ERC1: variants seen among roughly 807,000 people sequenced by gnomAD.
ERC1 encodes the protein ELKS/RAB6-interacting/CAST family member 1.
ERC1 carries 56 observed loss-of-function variants against 132.0 expected under a neutral mutation model. That is an observed-to-expected ratio of 0.42 (90% CI 0.34 to 0.53). The LOEUF is 0.53. ERC1 is among the 20% of genes least tolerant of loss of function. The pLI, the probability that ERC1 is intolerant of heterozygous loss-of-function variation, is 0.03. For missense variants in ERC1, 1,202 were observed against 1,349.9 expected (o/e 0.89, Z 1.72); for synonymous variants, 478 against 476.1 (o/e 1.00, Z -0.05).
chr12:1,135,401 C>T (rs1015174629), intron 7 of ERC1, among the ~76,000 whole-genome samples: 3 of 152,136 alleles, frequency 2.0e-5, no homozygotes, highest in Non-Finnish European at 4.4e-5. Flanking sequence ...TATATGCATG[C>T]TGATCTATGA....
At chr12:1,073,485 C>G (rs1459023754) in intron 2 of ERC1, among the ~76,000 whole-genome samples, 2 of 151,216 alleles carry the variant, frequency 1.3e-5, no homozygotes, top group East Asian at 4.0e-4. Context: ...AACTCCATCT[C>G]TACTAAAAAT....
intron 12 of ERC1, among the ~76,000 whole-genome samples, chr12:1,195,262 G>A (rs781169325): frequency 6.6e-6 from 1 of 152,074 alleles, no homozygotes; most frequent in Middle Eastern, 3.2e-3. Context: ...CCCCTTTACA[G>A]CAAATCTCTT....
chr12:1,432,887 A>C (rs2092837562), intron 17 of ERC1, among the ~76,000 whole-genome samples: 1 of 152,204 alleles, frequency 6.6e-6, no homozygotes, highest in Non-Finnish European at 1.5e-5. Context: ...TGGGTTAAAA[A>C]ACAAAAACCA....
At chr12:1,390,169 T>C (rs185533183) in intron 16 of ERC1, among the ~76,000 whole-genome samples, 104 of 152,308 alleles carry the variant, frequency 6.8e-4, no homozygotes, top group Non-Finnish European at 1.2e-3. Context: ...CTTCTAATTA[T>C]AGTAGTAAAC....
intron 17 of ERC1, chr12:1,443,385 G>A (rs1185449748): frequency 6.6e-6 from 1 of 152,184 alleles, no homozygotes; most frequent in Non-Finnish European, 1.5e-5. Context: ...CTCTGAGGGG[G>A]TCCAAGGAGG....
At chr12:998,983 T>C (rs1275630036) in intron 1 of ERC1, among the ~76,000 whole-genome samples, 3 of 151,476 alleles carry the variant, frequency 2.0e-5, no homozygotes, top group Non-Finnish European at 2.9e-5. Context: ...CCTTAGCCTC[T>C]TGAGTAGCTG....
chr12:1,200,856 C>T (rs1275615675), intron 12 of ERC1, among the ~76,000 whole-genome samples: 3 of 152,188 alleles, frequency 2.0e-5, no homozygotes, highest in Admixed American at 6.5e-5. Context: ...CTGCACCCGG[C>T]CCACATTTCC....
chr12:1,180,891 A>G (rs796066297), intron 9 of ERC1, among the ~76,000 whole-genome samples: 35 of 151,112 alleles, frequency 2.3e-4, no homozygotes, highest in African/African-American at 8.2e-4. Flanking sequence ...TTGTCTCACT[A>G]AATTCCACCT....
At chr12:1,313,805 T>C (rs2081493075) in intron 15 of ERC1, among the ~76,000 whole-genome samples, 1 of 151,982 alleles carries the variant, frequency 6.6e-6, no homozygotes. Flanking sequence ...GCCAACATGG[T>C]GAAACCCTGT....
chr12:1,365,327 G>C (rs371169301), intron 15 of ERC1, among the ~76,000 whole-genome samples: 1 of 146,568 alleles, frequency 6.8e-6, no homozygotes, highest in Non-Finnish European at 1.5e-5. Flanking sequence ...TACTGGCCTG[G>C]AAAAAAAAAA....
At chr12:1,489,637 T>C (rs1009039406) in intron 18 of ERC1, among the ~76,000 whole-genome samples, 2 of 152,220 alleles carry the variant, frequency 1.3e-5, no homozygotes, top group African/African-American at 2.4e-5. Flanking sequence ...TCAGCTAAAT[T>C]AGCAGGCCTC....
intron 8 of ERC1, among the ~76,000 whole-genome samples, chr12:1,176,668 C>A (rs946788298): frequency 4.6e-5 from 7 of 151,912 alleles, no homozygotes; most frequent in African/African-American, 1.7e-4. Context: ...GCAACCTCTG[C>A]CTTTTGGGTT....
intron 12 of ERC1, among the ~76,000 whole-genome samples, chr12:1,207,518 G>T (rs1419845074): frequency 6.6e-6 from 1 of 152,008 alleles, no homozygotes; most frequent in Non-Finnish European, 1.5e-5. Flanking sequence ...TCAAATAATA[G>T]TGCCTAGTGT....
At chr12:1,440,407 CG>C (rs1293557212) in intron 17 of ERC1, among the ~76,000 whole-genome samples, 1 of 150,452 alleles carries the variant, frequency 6.6e-6, no homozygotes, top group Non-Finnish European at 1.5e-5. Context: ...GGGGTTTCAC[CG>C]TGTTAGCCAG....
chr12:1,000,844 A>G (rs1340921476), intron 1 of ERC1, among the ~76,000 whole-genome samples: 1 of 152,216 alleles, frequency 6.6e-6, no homozygotes, highest in East Asian at 1.9e-4. Context: ...TTACTGTAGG[A>G]ATATAACTTA....
At chr12:1,426,062 T>A (rs1565413969) in intron 17 of ERC1, among the ~76,000 whole-genome samples, 1 of 152,192 alleles carries the variant, frequency 6.6e-6, no homozygotes, top group African/African-American at 2.4e-5. Context: ...TCTATATAGC[T>A]TTTGCATAGT....
intron 1 of ERC1, among the ~76,000 whole-genome samples, chr12:1,019,298 T>G (rs1965978370): frequency 6.6e-6 from 1 of 152,184 alleles, no homozygotes. Context: ...TAATTTTTTG[T>G]ATTTTTAGTA....
intron 2 of ERC1, among the ~76,000 whole-genome samples, chr12:1,058,420 A>G (rs1173128970): frequency 1.3e-5 from 2 of 152,198 alleles, no homozygotes; most frequent in Non-Finnish European, 2.9e-5. Context: ...GTGGATATCC[A>G]GTTTTCCCAG....
At chr12:1,387,545 G>C (rs1011262340) in intron 16 of ERC1, among the ~76,000 whole-genome samples, 1 of 152,176 alleles carries the variant, frequency 6.6e-6, no homozygotes, top group South Asian at 2.1e-4. Flanking sequence ...TATCCAGGTG[G>C]GGCCCTAACC....
Sources: allele counts gnomAD v4.1 joint callset (sites outside exome capture counted in the v4.1 genomes callset), GRCh38; gene constraint gnomAD v4.1.1; transcripts MANE v1.5; gene names NCBI Gene and HGNC (gene_info 2026-07-23, HGNC 2026-07-21).